Variants in CDH11 observed in about 807,000 individuals in gnomAD.
The protein encoded by CDH11 is cadherin-11.
Under a neutral mutation model 67.8 loss-of-function variants are expected in CDH11, and 11 were observed. The observed-to-expected ratio is 0.16, with a 90% CI of 0.10 to 0.27. The LOEUF is 0.27. Ranked by LOEUF, CDH11 falls within the 10% of genes least tolerant of loss-of-function variation. The pLI is 1.00. For missense variants in CDH11, 847 were observed against 1,031.2 expected (o/e 0.82, Z 2.45); for synonymous variants, 419 against 400.0 (o/e 1.05, Z -0.57).
At chr16:64,979,189 C>T (rs768916096) in intron 8 of CDH11, among the ~76,000 whole-genome samples, 6 of 152,190 alleles carry the variant, frequency 3.9e-5, no homozygotes, top group Non-Finnish European at 5.9e-5. Context: ...GTGGCTCATG[C>T]GTGTAATTCC....
At chr16:64,962,705 A>G (rs1363276689) in intron 11 of CDH11, among the ~76,000 whole-genome samples, 1 of 152,184 alleles carries the variant, frequency 6.6e-6, no homozygotes, top group East Asian at 1.9e-4. Context: ...AACCATTTTG[A>G]AATACGCCAG....
At chr16:65,108,469 T>C (rs1257751063) in intron 1 of CDH11, among the ~76,000 whole-genome samples, 1 of 152,142 alleles carries the variant, frequency 6.6e-6, no homozygotes, top group African/African-American at 2.4e-5. Flanking sequence ...CCCCAAATAA[T>C]AACAAAAATG....
At chr16:65,047,584 T>G (rs2073984976) in intron 2 of CDH11, among the ~76,000 whole-genome samples, 1 of 152,060 alleles carries the variant, frequency 6.6e-6, no homozygotes, top group South Asian at 2.1e-4. Context: ...TCTCTTGACC[T>G]TGTGATCTGC....
chr16:64,956,092 C>CT (rs1369329685), intron 11 of CDH11, among the ~76,000 whole-genome samples: 7 of 152,302 alleles, frequency 4.6e-5, no homozygotes, highest in Admixed American at 1.3e-4. Context: ...CTTCCTAGAT[C>CT]TTTTTCTTAT....
At chr16:65,040,101 T>C (rs1022999627) in intron 2 of CDH11, among the ~76,000 whole-genome samples, 2 of 152,206 alleles carry the variant, frequency 1.3e-5, no homozygotes, top group Non-Finnish European at 2.9e-5. Context: ...TTTTACACTG[T>C]TGGTGGGACT....
intron 1 of CDH11, among the ~76,000 whole-genome samples, chr16:65,109,682 A>G (rs1166563297): frequency 6.6e-6 from 1 of 152,144 alleles, no homozygotes; most frequent in African/African-American, 2.4e-5. Context: ...GCTAGAGTCC[A>G]TAGAAAACTT....
intron 2 of CDH11, among the ~76,000 whole-genome samples, chr16:65,028,518 G>A (rs1267641191): frequency 6.6e-6 from 1 of 151,986 alleles, no homozygotes; most frequent in Admixed American, 6.6e-5. Flanking sequence ...CCACACATAA[G>A]AGATACACAC....
At chr16:65,029,249 G>A (rs191057606) in intron 2 of CDH11, among the ~76,000 whole-genome samples, 39 of 152,146 alleles carry the variant, frequency 2.6e-4, no homozygotes, top group Non-Finnish European at 4.4e-4. Context: ...CATGAGGAGA[G>A]GATGGAGATG....
At chr16:65,092,166 G>A (rs1228731934) in intron 1 of CDH11, among the ~76,000 whole-genome samples, 1 of 152,148 alleles carries the variant, frequency 6.6e-6, no homozygotes, top group African/African-American at 2.4e-5. Context: ...ACAGCACAGT[G>A]ATTGCTACAC....
chr16:65,033,398 T>A (rs2073685484), intron 2 of CDH11, among the ~76,000 whole-genome samples: 1 of 152,194 alleles, frequency 6.6e-6, no homozygotes, highest in African/African-American at 2.4e-5. Context: ...ATGATGAAGC[T>A]ACATTCATTT....
rs1452029445 is a variant in CDH11, at chr16:65,000,800, C to T, written c.229-1944G>A. Among the ~76,000 whole-genome samples, 3 of 151,884 alleles carry T rather than the reference C, an allele frequency of 2.0e-5. No individual in the cohort carries two copies. In the East Asian group the frequency reaches 5.8e-4, roughly 29 times the overall value. ...CTCCAGCCTGGCAGACAGAGTGAGA[C>T]TTTGTCTCAAAAATAAATAAATTAA... On this transcript the variant is annotated intron_variant, in intron 3 of 12. Transcript: ENST00000268603.
chr16:64,944,047 G>A lies in CDH11; in HGVS notation c.*3556C>T, dbSNP rs1004968016. On this transcript the variant is annotated 3_prime_UTR_variant, in exon 13 of 13. Coordinates refer to ENST00000268603, the MANE Select transcript of CDH11 (RefSeq NM_001797.4). ...AGATGGCCAGTGTGGCTGGAGCATC[G>A]TGCACTGAAAGGAGGATGGAGTGGA... The A allele has an allele frequency of 7.8e-5, 18 of 232,250 alleles. No homozygotes were observed. The highest frequency in any genetic ancestry group is 1.3e-4 in the Non-Finnish European group (15 of 117,526). The allele number at this position is 232,250 out of a possible 1,614,324, so 14.4% of individuals were successfully genotyped here.
At chr16:64,956,401 A>G (rs937919572) in intron 11 of CDH11, among the ~76,000 whole-genome samples, 1 of 152,250 alleles carries the variant, frequency 6.6e-6, no homozygotes, top group Non-Finnish European at 1.5e-5. Context: ...AAAGGAGGAA[A>G]GTGAATTCTT....
Position 65,053,861 on chromosome 16 carries a change from T to C in CDH11, c.-230A>G, listed in dbSNP as rs1415394824. On this transcript the variant is annotated 5_prime_UTR_variant, in exon 2 of 13. Coordinates refer to ENST00000268603, the MANE Select transcript of CDH11 (RefSeq NM_001797.4). ...TCTGTAACACACTCCACCCATCTGA[T>C]TGGTCACTCAACAAATGACAACACG... 2 of 455,936 alleles carry C rather than the reference T, an allele frequency of 4.4e-6. No individual in the cohort carries two copies. Among genetic ancestry groups the C allele is most frequent in the Non-Finnish European group, 8.8e-6 (2 of 226,792 alleles). The allele number at this position is 455,936 out of a possible 1,614,324, so 28.2% of individuals were successfully genotyped here.
chr16:65,007,436 C>G (rs1230628126), intron 2 of CDH11, among the ~76,000 whole-genome samples: 1 of 152,194 alleles, frequency 6.6e-6, no homozygotes, highest in Non-Finnish European at 1.5e-5. Flanking sequence ...CATTTAACAA[C>G]TTCATCCTTA....
chr16:65,061,418 A>T (rs1181447916), intron 1 of CDH11, among the ~76,000 whole-genome samples: 1 of 152,218 alleles, frequency 6.6e-6, no homozygotes, highest in Non-Finnish European at 1.5e-5. Context: ...GTTTTCAAGG[A>T]CTGTAATAAT....
At chr16:65,068,215 A>C (rs2074352954) in intron 1 of CDH11, among the ~76,000 whole-genome samples, 1 of 151,100 alleles carries the variant, frequency 6.6e-6, no homozygotes, top group Non-Finnish European at 1.5e-5. Context: ...GGAAAGAGGA[A>C]GGGAAAGAGG....
chr16:65,029,139 T>TA (rs2073589648), intron 2 of CDH11, among the ~76,000 whole-genome samples: 1 of 152,162 alleles, frequency 6.6e-6, no homozygotes, highest in Non-Finnish European at 1.5e-5. Context: ...AAACACTTTT[T>TA]AAAAAATCTT....
intron 2 of CDH11, among the ~76,000 whole-genome samples, chr16:65,032,061 G>T (rs9930786): frequency 1.1e-4 from 16 of 151,876 alleles, no homozygotes; most frequent in Admixed American, 7.2e-4. Context: ...GTGAATCAAT[G>T]GGGGAGGTGA....
Sources: gnomAD v4.1 joint callset for allele counts (sites outside exome capture counted in the v4.1 genomes callset) on GRCh38, gnomAD v4.1.1 for gene constraint, MANE v1.5 for transcripts, NCBI Gene and HGNC (gene_info 2026-07-23, HGNC 2026-07-21) for gene names.